The following ADCY2 variants were observed in gnomAD, a reference collection of about 807,000 sequenced individuals.
The protein encoded by ADCY2 is adenylate cyclase 2.
ADCY2 carries 31 observed loss-of-function variants against 125.2 expected under a neutral mutation model. The ratio of observed to expected loss-of-function variants is 0.25; its 90% CI spans 0.19 to 0.33. ADCY2 has a LOEUF of 0.33. Among genes scored for constraint, ADCY2 ranks in the 10% least tolerant of loss-of-function variants. The probability of loss-of-function intolerance (pLI) is 1.00; values close to 1 mark genes in which losing one functional copy is unlikely to be tolerated. For synonymous variants in ADCY2, 512 were observed against 548.4 expected, an observed-to-expected ratio of 0.93 and a Z score of 0.93; for missense variants, 904 against 1,418.2, an observed-to-expected ratio of 0.64 and a Z score of 5.82.
At chr5:7,714,103 C>A (rs771231229) in intron 11 of ADCY2, among the ~76,000 whole-genome samples, 1 of 152,212 alleles carries the variant, frequency 6.6e-6, no homozygotes, top group Admixed American at 6.5e-5. Context: ...GGTTCTTGAG[C>A]TTTTGAAGCA....
In ADCY2 at chr5:7,614,994, G is replaced by A. The variant is rs766864884; in HGVS notation, c.571-11173G>A. Among the ~76,000 whole-genome samples the A allele has an allele frequency of 9.2e-5, 14 of 152,282 alleles. No homozygotes were observed. In the South Asian group the frequency reaches 2.7e-3, roughly 29 times the overall value. ...TGCAGGCTCTACAGGAAGCATGGCC[G>A]AGGAGGCCTCAGGAAACTTGCAATC... On this transcript the variant is annotated intron_variant, in intron 3 of 24. Transcript: ENST00000338316.
rs1739867367 is a variant in ADCY2, at chr5:7,414,684, C to T, written c.322C>T (p.Leu108Phe). The T allele has an allele frequency of 6.2e-7, 1 of 1,613,912 alleles. No individual in the cohort carries two copies. Among genetic ancestry groups the T allele is most frequent in the Non-Finnish European group, 8.5e-7 (1 of 1,179,956 alleles). ...GTCTGTGTTTAAGAAGCTGCTGCGC[C>T]TCTTCTCGTTGGTGATATGGATATG... ...IESVFKKLLR[L>F]FSLVIWICLV... The change falls in exon 2 of 25, where the codon CTC (leucine) becomes TTC (phenylalanine). Residue 108 changes from leucine (L) to phenylalanine (F), a missense_variant. By Grantham distance (22) the Leu-to-Phe change is conservative. This residue lies in a region of ADCY2 where 121 missense variants were observed against 161.5 expected (regional missense o/e 0.75). Coordinates refer to ENST00000338316, the MANE Select transcript of ADCY2 (RefSeq NM_020546.3).
chr5:7,554,717 T>C (rs180844916), intron 3 of ADCY2, among the ~76,000 whole-genome samples: 1 of 152,306 alleles, frequency 6.6e-6, no homozygotes, highest in East Asian at 1.9e-4. Context: ...GTTTTGCAGG[T>C]CAAGTGTCAG....
intron 14 of ADCY2, among the ~76,000 whole-genome samples, chr5:7,741,573 CATCACCATCCCT>C (rs1211611605): frequency 1.5e-5 from 2 of 135,772 alleles, no homozygotes; most frequent in African/African-American, 2.7e-5. Context: ...TCACCATCAC[CATCACCATCCCT>C]ATCACCATCA....
At chr5:7,808,531 C>T (rs996694912) in intron 22 of ADCY2, among the ~76,000 whole-genome samples, 2 of 152,186 alleles carry the variant, frequency 1.3e-5, no homozygotes, top group African/African-American at 2.4e-5. Context: ...AAACTCTTTG[C>T]CCATTTTAAA....
At chr5:7,475,725 A>T (rs1279917347) in intron 2 of ADCY2, among the ~76,000 whole-genome samples, 3 of 152,132 alleles carry the variant, frequency 2.0e-5, no homozygotes, top group Non-Finnish European at 4.4e-5. Context: ...GTTGAGTGAG[A>T]TTTGAAGGGT....
intron 3 of ADCY2, among the ~76,000 whole-genome samples, chr5:7,621,291 C>T (rs746055187): frequency 3.3e-5 from 5 of 152,110 alleles, no homozygotes; most frequent in Non-Finnish European, 7.4e-5. Context: ...ACTCCACAGG[C>T]GTATGGTCTC....
At chr5:7,523,002 G>A (rs1744511972) in intron 3 of ADCY2, among the ~76,000 whole-genome samples, 1 of 152,052 alleles carries the variant, frequency 6.6e-6, no homozygotes. Flanking sequence ...TCTCACATGA[G>A]CAATCAGACA....
intron 2 of ADCY2, among the ~76,000 whole-genome samples, chr5:7,457,175 A>G (rs1289381617): frequency 6.6e-6 from 1 of 152,200 alleles, no homozygotes; most frequent in Admixed American, 6.5e-5. Context: ...TACTATACTC[A>G]TCTGCATTGA....
chr5:7,514,888 C>A (rs1176105450), intron 2 of ADCY2, among the ~76,000 whole-genome samples: 1 of 152,212 alleles, frequency 6.6e-6, no homozygotes, highest in Non-Finnish European at 1.5e-5. Context: ...ACCCTGCTGA[C>A]ACCTTGATTT....
Position 7,653,316 on chromosome 5 carries a change from T to C in ADCY2, c.720+27000T>C, listed in dbSNP as rs911862019. ...TGTGAGATGTCAGGCAAGTTGCTCTTTGTTGAGACTTTGAAGATGTAAAAA... is the reference window on the plus strand; with the variant it reads ...TGTGAGATGTCAGGCAAGTTGCTCTCTGTTGAGACTTTGAAGATGTAAAAA... On this transcript the variant is annotated intron_variant, in intron 4 of 24. Coordinates refer to ENST00000338316, the MANE Select transcript of ADCY2 (RefSeq NM_020546.3). 3.3e-5 allele frequency among the ~76,000 whole-genome samples: 5 copies of C among 152,284 alleles called. No homozygotes were observed. The East Asian group carries it at 7.7e-4, about 23-fold the overall frequency.
At chr5:7,630,059 T>C (rs147168160) in intron 4 of ADCY2, among the ~76,000 whole-genome samples, 10 of 152,332 alleles carry the variant, frequency 6.6e-5, no homozygotes, top group African/African-American at 2.2e-4. Context: ...AGAACATTCC[T>C]TTTAGTAAAA....
intron 2 of ADCY2, among the ~76,000 whole-genome samples, chr5:7,420,576 C>G (rs1285386320): frequency 6.6e-6 from 1 of 152,118 alleles, no homozygotes; most frequent in Admixed American, 6.5e-5. Flanking sequence ...CGGCACAAAC[C>G]ACCCCCATCC....
chr5:7,657,326 G>A (rs569829744), intron 4 of ADCY2, among the ~76,000 whole-genome samples: 19 of 152,372 alleles, frequency 1.2e-4, no homozygotes, highest in Non-Finnish European at 2.4e-4. Flanking sequence ...GAGTCATTGA[G>A]TGTCTGCTTC....
At chr5:7,492,385 C>T (rs1279124926) in intron 2 of ADCY2, among the ~76,000 whole-genome samples, 1 of 152,160 alleles carries the variant, frequency 6.6e-6, no homozygotes, top group Non-Finnish European at 1.5e-5. Flanking sequence ...GGAATGTGAT[C>T]ATATCCATGT....
At chr5:7,544,895 C>T (rs1249068898) in intron 3 of ADCY2, among the ~76,000 whole-genome samples, 1 of 152,162 alleles carries the variant, frequency 6.6e-6, no homozygotes, top group Non-Finnish European at 1.5e-5. Flanking sequence ...GACTGACTCC[C>T]ATGGAGAAAG....
At chr5:7,767,126 G>T (rs919631178) in intron 17 of ADCY2, among the ~76,000 whole-genome samples, 6 of 152,100 alleles carry the variant, frequency 3.9e-5, no homozygotes. Flanking sequence ...TATGTTTCTG[G>T]GTTTCTTACT....
chr5:7,536,325 C>T (rs1345713290), intron 3 of ADCY2, among the ~76,000 whole-genome samples: 1 of 151,832 alleles, frequency 6.6e-6, no homozygotes, highest in African/African-American at 2.4e-5. Context: ...GCAGATTTGG[C>T]CATTACAGTA....
intron 1 of ADCY2, among the ~76,000 whole-genome samples, chr5:7,404,902 G>T (rs1739415651): frequency 6.6e-6 from 1 of 152,194 alleles, no homozygotes; most frequent in South Asian, 2.1e-4. Context: ...AGCTGGCACT[G>T]CTGGCCAGAA....
Sources: gnomAD v4.1 joint callset for allele counts (sites outside exome capture counted in the v4.1 genomes callset) on GRCh38, gnomAD v4.1.1 for gene constraint, gnomAD v4.1.1 regional missense constraint, MANE v1.5 for transcripts, NCBI Gene and HGNC (gene_info 2026-07-23, HGNC 2026-07-21) for gene names.